The following DAB1 variants were observed in gnomAD, a reference collection of about 807,000 sequenced individuals.
DAB1 encodes the protein DAB adaptor protein 1.
A neutral mutation model predicts 64.6 loss-of-function variants in DAB1; 15 were observed. The ratio of observed to expected loss-of-function variants is 0.23; its 90% CI spans 0.16 to 0.36. The LOEUF is 0.36. Ranked by LOEUF, DAB1 falls within the 10% of genes least tolerant of loss-of-function variation. DAB1 has a pLI of 1.00. For synonymous variants in DAB1, 235 were observed against 251.9 expected (o/e 0.93, Z 0.64); for missense variants, 596 against 706.7 (o/e 0.84, Z 1.78).
intron 4 of DAB1, among the ~76,000 whole-genome samples, chr1:57,127,659 A>G (rs1051652609): frequency 2.8e-4 from 43 of 152,350 alleles, no homozygotes; most frequent in African/African-American, 1.0e-3. Context: ...GTAGCTTTTG[A>G]ATAAATAGAT....
In DAB1 at chr1:58,166,768, T is replaced by C. The variant is rs1438544489; in HGVS notation, n.310-16180A>G. On this transcript the variant is annotated intron_variant and non_coding_transcript_variant, in intron 4 of 20. Coordinates refer to the DAB1 transcript ENST00000485760. The stretch of plus-strand genomic sequence containing the variant: ...TTTGTTCGTTTTTTTTTTTTTTTAA[T>C]TTGAGACAGGGTCTTGCTCTGTCAC... Among the ~76,000 whole-genome samples, 3 of 151,108 alleles carry C rather than the reference T, an allele frequency of 2.0e-5. No individual in the cohort carries two copies. In the East Asian group the frequency reaches 5.8e-4, roughly 29 times the overall value.
rs911280839 is a variant in DAB1 at position 57,570,764 on chromosome 1, T to C, written n.625+78828A>G. Among the ~76,000 whole-genome samples the C allele has an allele frequency of 2.6e-5, 4 of 152,338 alleles. 1 individual carries two copies. The highest frequency in any genetic ancestry group is 6.8e-3 in the Middle Eastern group (2 of 294). On this transcript the variant is annotated intron_variant and non_coding_transcript_variant, in intron 7 of 20. Coordinates refer to the DAB1 transcript ENST00000485760. ...TGATGGTATTTTGGTGGGAATTACA[T>C]TGAATTTGTAGATTGCTTTTGGCAG... is the stretch of plus-strand genomic sequence containing the variant.
chr1:57,332,477 G>A (rs973629139), intron 1 of DAB1, among the ~76,000 whole-genome samples: 8 of 151,992 alleles, frequency 5.3e-5, no homozygotes, highest in African/African-American at 1.5e-4. Context: ...GTTTAGTTTC[G>A]GTAGAGTAAT....
intron 7 of DAB1, among the ~76,000 whole-genome samples, chr1:57,500,662 G>A (rs1040277753): frequency 5.9e-5 from 9 of 152,060 alleles, no homozygotes; most frequent in East Asian, 1.9e-4. Flanking sequence ...TCAAGATTTC[G>A]TTTATGCCAA....
chr1:57,044,518 G>A (rs1648213305), intron 9 of DAB1, among the ~76,000 whole-genome samples: 1 of 152,154 alleles, frequency 6.6e-6, no homozygotes, highest in Non-Finnish European at 1.5e-5. Flanking sequence ...TCTGTGCTCT[G>A]GCCTCGGGCT....
intron 4 of DAB1, among the ~76,000 whole-genome samples, chr1:58,151,634 A>G (rs952596264): frequency 5.9e-5 from 9 of 152,222 alleles, no homozygotes; most frequent in Admixed American, 2.0e-4. Flanking sequence ...CTGTGTCTGC[A>G]TACCCTGGCC....
At chr1:57,776,207 C>T (rs1048880803) in intron 6 of DAB1, among the ~76,000 whole-genome samples, 3 of 151,654 alleles carry the variant, frequency 2.0e-5, no homozygotes, top group Non-Finnish European at 4.4e-5. Flanking sequence ...CAACATGACA[C>T]TCAGAGGAAA....
intron 1 of DAB1, among the ~76,000 whole-genome samples, chr1:57,869,689 T>C (rs973702178): frequency 1.4e-4 from 22 of 152,136 alleles, no homozygotes; most frequent in Non-Finnish European, 1.5e-5. Context: ...CTCTCCTGTT[T>C]GCAAAGTGGT....
At chr1:57,151,757 A>T (rs1335365248) in intron 2 of DAB1, among the ~76,000 whole-genome samples, 1 of 151,336 alleles carries the variant, frequency 6.6e-6, no homozygotes, top group African/African-American at 2.4e-5. Flanking sequence ...ACTTTCATAG[A>T]CTTCAACTCT....
chr1:57,602,787 T>C (rs546979971), intron 7 of DAB1, among the ~76,000 whole-genome samples: 2 of 152,178 alleles, frequency 1.3e-5, no homozygotes, highest in East Asian at 1.9e-4. Context: ...GCTGTGTGTG[T>C]GTGGAGGGGA....
Position 57,687,019 on chromosome 1 carries a change from A to C in DAB1, n.552-37354T>G, listed in dbSNP as rs941347424. Among the ~76,000 whole-genome samples the C allele has an allele frequency of 3.3e-5, 5 of 152,216 alleles. No homozygotes were observed. The South Asian group carries it at 1.0e-3, about 31-fold the overall frequency. ...ATGCCCAGTCTCACCACTCCCATTC[A>C]ACATAGTCCTGGAAGATTGCCAAAG... is the stretch of plus-strand genomic sequence containing the variant. On this transcript the variant is annotated intron_variant and non_coding_transcript_variant, in intron 6 of 20. Transcript: ENST00000485760.
intron 1 of DAB1, among the ~76,000 whole-genome samples, chr1:57,873,217 GACAA>G (rs752024388): frequency 1.5e-4 from 23 of 152,232 alleles, no homozygotes; most frequent in South Asian, 4.1e-4. Flanking sequence ...TAAATTGAAA[GACAA>G]ACAAAGATAT....
chr1:57,562,173 G>A (rs1190762699), intron 7 of DAB1, among the ~76,000 whole-genome samples: 1 of 152,176 alleles, frequency 6.6e-6, no homozygotes, highest in African/African-American at 2.4e-5. Flanking sequence ...AGGAGTTTGA[G>A]ACCAGCCTGG....
At chr1:57,962,285 A>G (rs1331074124) in intron 5 of DAB1, among the ~76,000 whole-genome samples, 2 of 152,148 alleles carry the variant, frequency 1.3e-5, no homozygotes, top group Non-Finnish European at 2.9e-5. Context: ...TGCCTGGTAT[A>G]TAACTTCTCA....
intron 1 of DAB1, among the ~76,000 whole-genome samples, chr1:57,393,877 T>G (rs1682594958): frequency 6.6e-6 from 1 of 152,148 alleles, no homozygotes; most frequent in South Asian, 2.1e-4. Context: ...ATCTGAATCT[T>G]TGCAGAAAAA....
intron 6 of DAB1, among the ~76,000 whole-genome samples, chr1:57,710,352 A>C (rs1437378909): frequency 6.6e-6 from 1 of 152,126 alleles, no homozygotes; most frequent in Non-Finnish European, 1.5e-5. Context: ...ATACAATAAA[A>C]TCTCTAGTCT....
At position 57,015,047 on chromosome 1, in the gene DAB1, G is replaced by A; in HGVS notation, c.1280C>T (p.Pro427Leu). 1 of 1,614,140 alleles carries A rather than the reference G, an allele frequency of 6.2e-7. No individual in the cohort carries two copies. Among genetic ancestry groups the A allele is most frequent in the Non-Finnish European group, 8.5e-7 (1 of 1,180,026 alleles). ...DFQMAQPPPV[P>L]SRKPDQPSLT... ...GGAGGGCTGGTCGGGTTTGCGGGAG[G>A]GCACGGGCGGAGGCTGGGCCATCTG... The change falls in exon 12 of 15, where the codon CCC becomes CTC. Residue 427 changes from proline (P) to leucine (L), a missense_variant. Pro to Leu is a moderately conservative substitution (Grantham distance 98). This residue lies in a region of DAB1 where 377 missense variants were observed against 400.4 expected (regional missense o/e 0.94). Coordinates refer to ENST00000371236, the MANE Select transcript of DAB1 (RefSeq NM_001365792.1).
intron 4 of DAB1, among the ~76,000 whole-genome samples, chr1:57,097,939 G>A (rs1251719502): frequency 6.6e-6 from 1 of 151,898 alleles, no homozygotes. Context: ...CGCCACGCTT[G>A]GCTAATTTTT....
rs769913985 is a variant in DAB1, at chr1:57,439,667, T to C, written n.626-148501A>G. Among the ~76,000 whole-genome samples, 3 of 144,330 alleles carry C rather than the reference T, an allele frequency of 2.1e-5. 1 individual carries two copies. The highest frequency in any genetic ancestry group is 4.5e-5 in the Non-Finnish European group (3 of 66,674). The allele number at this position is 144,330 out of a possible 152,430, so 94.7% of individuals were successfully genotyped here. On this transcript the variant is annotated intron_variant and non_coding_transcript_variant, in intron 7 of 20. Transcript: ENST00000485760. The stretch of plus-strand genomic sequence containing the variant: ...TGGTCTTGATCTTCTGACCTCATGA[T>C]CTGCCTGCCTCGGCCTCCCAAAGTG...
Sources: gnomAD v4.1 joint callset for allele counts (sites outside exome capture counted in the v4.1 genomes callset) on GRCh38, gnomAD v4.1.1 for gene constraint, gnomAD v4.1.1 regional missense constraint, MANE v1.5 for transcripts, NCBI Gene and HGNC (gene_info 2026-07-23, HGNC 2026-07-21) for gene names.